UBASH3B: variants seen among roughly 807,000 people sequenced by gnomAD.
UBASH3B encodes the protein ubiquitin-associated and SH3 domain-containing protein B.
Under a neutral mutation model 83.4 loss-of-function variants are expected in UBASH3B, and 37 were observed. The observed-to-expected ratio is 0.44, with a 90% CI of 0.34 to 0.58. UBASH3B has a LOEUF of 0.58. UBASH3B is among the 20% of genes least tolerant of loss of function. The pLI is 0.01. For missense variants in UBASH3B, 657 were observed against 827.2 expected (o/e 0.79, Z 2.52); for synonymous variants, 304 against 318.3 (o/e 0.96, Z 0.48).
intron 10 of UBASH3B, 45 bp from the exon 11 acceptor site, chr11:122,801,143 A>G (rs759830578): frequency 1.2e-6 from 2 of 1,601,744 alleles, no homozygotes; most frequent in Non-Finnish European, 1.7e-6. Flanking sequence ...TTGGCCTGAG[A>G]ATCCACAGGC....
Position 122,794,755 on chromosome 11 carries a change from G to T in UBASH3B, c.1034G>T (p.Gly345Val), listed in dbSNP as rs201331033. The change falls in exon 7 of 14, where the codon GGA (glycine) becomes GTA (valine). Residue 345 changes from glycine (G) to valine (V), a missense_variant. Coordinates refer to ENST00000284273, the MANE Select transcript of UBASH3B (RefSeq NM_032873.5). ...TCCAACTCTCTCACGTTTGGGGATG[G>T]AGTATTGGAGAGGCGGCCTTATGAG... Reference protein sequence around the residue: ...SSSNSLTFGDGVLERRPYEDQ... With the variant: ...SSSNSLTFGDVVLERRPYEDQ... 2.5e-6 allele frequency: 4 copies of T among 1,614,098 alleles called. No homozygotes were observed. The Admixed American group carries it at 6.7e-5, about 27-fold the overall frequency.
chr11:122,724,992 C>A lies in UBASH3B; in HGVS notation c.162-51227C>A, dbSNP rs185664034. ...TTTTGAGACAGAGTCTTGCTCTTTC[C>A]CCCAGGCTGGAGTGCAGTAGCACGA... On this transcript the variant is annotated intron_variant, in intron 1 of 13. Coordinates refer to ENST00000284273, the MANE Select transcript of UBASH3B (RefSeq NM_032873.5). 2.4e-3 allele frequency among the ~76,000 whole-genome samples: 368 copies of A among 151,328 alleles called. 4 individuals are homozygous for A. Among genetic ancestry groups the A allele is most frequent in the Admixed American group, 5.5e-3 (84 of 15,170 alleles).
intron 9 of UBASH3B, among the ~76,000 whole-genome samples, chr11:122,797,812 T>C (rs1385793724): frequency 1.3e-5 from 2 of 152,038 alleles, no homozygotes; most frequent in Non-Finnish European, 2.9e-5. Flanking sequence ...AGGGACCACA[T>C]AAAGAGTCTT....
chr11:122,751,288 G>A (rs1455648380), intron 1 of UBASH3B, among the ~76,000 whole-genome samples: 1 of 152,212 alleles, frequency 6.6e-6, no homozygotes, highest in Non-Finnish European at 1.5e-5. Context: ...CTCTTGCACT[G>A]AGGAGTGTCT....
intron 1 of UBASH3B, among the ~76,000 whole-genome samples, chr11:122,690,181 T>TCCA (rs1191648128): frequency 3.3e-4 from 10 of 30,224 alleles, no homozygotes; most frequent in Non-Finnish European, 5.8e-4. Flanking sequence ...TATATATATA[T>TCCA]ATATATATAT....
At chr11:122,737,094 C>A (rs964326770) in intron 1 of UBASH3B, among the ~76,000 whole-genome samples, 1 of 151,826 alleles carries the variant, frequency 6.6e-6, no homozygotes, top group Non-Finnish European at 1.5e-5. Flanking sequence ...CTAATGTTGC[C>A]GGAAGAGGGT....
chr11:122,776,771 G>A (rs1026800991), intron 2 of UBASH3B, among the ~76,000 whole-genome samples: 3 of 152,104 alleles, frequency 2.0e-5, no homozygotes, highest in African/African-American at 7.2e-5. Context: ...CCTGGAGAGC[G>A]GTTTTAGGAC....
chr11:122,798,878 A>C (rs150869684), intron 9 of UBASH3B, 64 bp from the exon 10 acceptor site: 2 of 1,411,552 alleles, frequency 1.4e-6, no homozygotes, highest in Non-Finnish European at 2.0e-6. Context: ...CCCCTCTCAC[A>C]CTGCGGGTCA....
Position 122,813,846 on chromosome 11 carries a change from A to G in UBASH3B, c.*3960A>G, listed in dbSNP as rs1591338039. 1 of 152,248 alleles carries G rather than the reference A, an allele frequency of 6.6e-6. No individual in the cohort carries two copies. Among genetic ancestry groups the G allele is most frequent in the Admixed American group, 6.5e-5 (1 of 15,280 alleles). 9.4% of individuals were successfully genotyped at this position (152,248 alleles called of 1,614,324 possible). ...ATTGAATTTCCCTAGGAAAGTGACT[A>G]GCTATAATGAAAATTCAAGCGAAAA... On this transcript the variant is annotated 3_prime_UTR_variant, in exon 14 of 14. Transcript: ENST00000284273.
chr11:122,768,466 A>AGGTATGTGTGTGTGTGTGTGTG (rs745861229), intron 1 of UBASH3B, among the ~76,000 whole-genome samples: 1 of 128,984 alleles, frequency 7.8e-6, no homozygotes, highest in South Asian at 2.7e-4. Context: ...AGAGATATAT[A>AGGTATGTGTGTGTGTGTGTGTG]TGTATGTGTG....
At chr11:122,679,072 G>A (rs562374714) in intron 1 of UBASH3B, among the ~76,000 whole-genome samples, 9 of 152,248 alleles carry the variant, frequency 5.9e-5, no homozygotes, top group South Asian at 4.1e-4. Flanking sequence ...TAAAAGCCAC[G>A]TAGCCCAGAA....
chr11:122,774,177 G>A, intron 1 of UBASH3B: 1 of 985,432 alleles, frequency 1.0e-6, no homozygotes, highest in Non-Finnish European at 1.2e-6. Context: ...AGCGTGTGTG[G>A]GTCTCTGTGC....
Position 122,813,295 on chromosome 11 carries a change from GTGT to G in UBASH3B, c.*3415_*3417del, listed in dbSNP as rs1417595525. ...TGAAGTCTCTTATTTCAATTACCTA[GTGT>G]TGTTGGGAACTAATTGAACAGCTAC... On this transcript the variant is annotated 3_prime_UTR_variant, in exon 14 of 14. Transcript: ENST00000284273. 2 of 152,254 alleles carry G rather than the reference GTGT, an allele frequency of 1.3e-5. No homozygotes were observed. The highest frequency in any genetic ancestry group is 1.9e-4 in the East Asian group (1 of 5,178). The allele number at this position is 152,254 out of a possible 1,614,324, so 9.4% of individuals were successfully genotyped here. A position where few individuals can be genotyped will look rare whatever the true frequency, so the allele number is the denominator to read the frequency against.
At chr11:122,698,146 G>A (rs1441365246) in intron 1 of UBASH3B, among the ~76,000 whole-genome samples, 3 of 152,170 alleles carry the variant, frequency 2.0e-5, no homozygotes, top group African/African-American at 7.2e-5. Context: ...GCTCAGCCAC[G>A]TAGTCTCAGT....
intron 6 of UBASH3B, among the ~76,000 whole-genome samples, chr11:122,789,635 A>T (rs756610189): frequency 6.6e-6 from 1 of 152,036 alleles, no homozygotes; most frequent in South Asian, 2.1e-4. Flanking sequence ...TGTCCACCTT[A>T]TCCTGGGTCA....
At chr11:122,799,137 G>A in intron 10 of UBASH3B, 103 bp downstream of exon 10, 4 of 956,136 alleles carry the variant, frequency 4.2e-6, no homozygotes, top group Non-Finnish European at 6.4e-6. Flanking sequence ...CCAGTTGAAA[G>A]CTTTGAATCT....
Position 122,757,709 on chromosome 11 carries a change from CTTTTTTT to C in UBASH3B, c.162-18493_162-18487del, listed in dbSNP as rs781180822. ...ATGGGAAGACAAGACCTTCTTTTCC[CTTTTTTT>C]TTTTTTTTTTTTTTTTGAGACAGAG... On this transcript the variant is annotated intron_variant, in intron 1 of 13. Transcript: ENST00000284273. Among the ~76,000 whole-genome samples, 391 of 92,142 alleles carry C rather than the reference CTTTTTTT, an allele frequency of 4.2e-3. 5 individuals carry two copies. Among genetic ancestry groups the C allele is most frequent in the African/African-American group, 0.013 (340 of 26,386 alleles). The allele number at this position is 92,142 out of a possible 152,430, so 60.4% of individuals were successfully genotyped here. A position where few individuals can be genotyped will look rare whatever the true frequency, so the allele number is the denominator to read the frequency against.
chr11:122,692,489 G>C (rs1448290523), intron 1 of UBASH3B, among the ~76,000 whole-genome samples: 1 of 152,292 alleles, frequency 6.6e-6, no homozygotes, highest in East Asian at 1.9e-4. Flanking sequence ...CAGAGATGTG[G>C]GATACACCCT....
intron 1 of UBASH3B, among the ~76,000 whole-genome samples, chr11:122,737,492 G>C (rs1270535354): frequency 1.3e-5 from 2 of 152,158 alleles, no homozygotes; most frequent in African/African-American, 4.8e-5. Context: ...TGATCTCAGT[G>C]CTAAGTGTAG....
Sources: gnomAD v4.1 joint callset for allele counts (sites outside exome capture counted in the v4.1 genomes callset) on GRCh38, gnomAD v4.1.1 for gene constraint, MANE v1.5 for transcripts, NCBI Gene and HGNC (gene_info 2026-07-23, HGNC 2026-07-21) for gene names.